The following AR variants were observed in gnomAD, a reference collection of about 807,000 sequenced individuals.
AR encodes dihydrotestosterone receptor.
Under a neutral mutation model 53.9 loss-of-function variants are expected in AR, and 8 were observed. The ratio of observed to expected loss-of-function variants is 0.15; its 90% CI spans 0.09 to 0.27. The LOEUF is 0.27. Ranked by LOEUF, AR falls within the 10% of genes least tolerant of loss-of-function variation. AR has a pLI of 1.00. For synonymous variants in AR, 359 were observed against 316.4 expected (o/e 1.13, Z -1.43); for missense variants, 639 against 742.5 (o/e 0.86, Z 1.62).
chrX:67,681,975 A>C (rs769950332), intron 2 of AR, among the ~76,000 whole-genome samples: 1 of 112,418 alleles, frequency 8.9e-6, no homozygotes, highest in Admixed American at 9.4e-5. Flanking sequence ...GACAAAAACT[A>C]TATGATCATC....
chrX:67,601,255 T>C (rs1286989980), intron 1 of AR, among the ~76,000 whole-genome samples: 4 of 112,102 alleles, frequency 3.6e-5, no homozygotes, highest in African/African-American at 1.3e-4. Flanking sequence ...CATGAGATAT[T>C]GGGTTATGCA....
intron 1 of AR, chrX:67,569,000 C>A: frequency 8.3e-7 from 1 of 1,210,680 alleles, no homozygotes; most frequent in Non-Finnish European, 1.1e-6. Flanking sequence ...GTCACTTTTT[C>A]CCATGATACT....
intron 1 of AR, among the ~76,000 whole-genome samples, chrX:67,618,014 G>A (rs1924199523): frequency 8.9e-6 from 1 of 112,114 alleles, no homozygotes. Flanking sequence ...TTTATCTAAC[G>A]ACAGTTCCAC....
rs2076165638 is a variant in AR at position 67,728,194 on chromosome X, A to G, written c.*4353A>G. 1 of 166,645 alleles carries G rather than the reference A, an allele frequency of 6.0e-6. No homozygotes were observed. The highest frequency in any genetic ancestry group is 1.1e-5 in the Non-Finnish European group (1 of 88,325). 13.7% of individuals were successfully genotyped at this position (166,645 alleles called of 1,213,427 possible). ...CTTTGTGGGTTTTTTTTTCCCTAATAATATACATGTTTAGAAGAATTGAAA... is the reference window on the plus strand; with the variant it reads ...CTTTGTGGGTTTTTTTTTCCCTAATGATATACATGTTTAGAAGAATTGAAA... On this transcript the variant is annotated 3_prime_UTR_variant, in exon 8 of 8. Transcript: ENST00000374690.
intron 1 of AR, among the ~76,000 whole-genome samples, chrX:67,624,395 C>T (rs1252907463): frequency 9.0e-6 from 1 of 111,600 alleles, no homozygotes; most frequent in Admixed American, 9.5e-5. Context: ...TAAGAAACTT[C>T]CCACAAAGAA....
intron 5 of AR, among the ~76,000 whole-genome samples, chrX:67,719,141 C>T (rs1280693761): frequency 1.8e-5 from 2 of 111,670 alleles, no homozygotes; most frequent in Non-Finnish European, 3.8e-5. Context: ...CCCAGCTGCC[C>T]TCTCCCAACC....
chrX:67,562,971 ATC>A (rs1188127143), intron 1 of AR, among the ~76,000 whole-genome samples: 1 of 112,190 alleles, frequency 8.9e-6, no homozygotes, highest in African/African-American at 3.2e-5. Context: ...ATATCTGTCT[ATC>A]TATTGGCTGA....
At chrX:67,678,355 T>C (rs2075912995) in intron 2 of AR, among the ~76,000 whole-genome samples, 1 of 112,166 alleles carries the variant, frequency 8.9e-6, no homozygotes, top group African/African-American at 3.2e-5. Context: ...CTGGTTTGAT[T>C]TTTAAAGATT....
chrX:67,633,136 T>C (rs900169593), intron 1 of AR, among the ~76,000 whole-genome samples: 2 of 112,452 alleles, frequency 1.8e-5, no homozygotes, highest in African/African-American at 6.5e-5. Context: ...ATTTGGTTTT[T>C]CTTCACTTTT....
At chrX:67,718,639 T>A (rs1304529890) in intron 5 of AR, among the ~76,000 whole-genome samples, 1 of 111,031 alleles carries the variant, frequency 9.0e-6, no homozygotes, top group East Asian at 2.9e-4. Context: ...GTGATACATT[T>A]TTTTTCCCCG....
chrX:67,667,815 A>G (rs1927347031), intron 2 of AR, among the ~76,000 whole-genome samples: 1 of 109,828 alleles, frequency 9.1e-6, no homozygotes, highest in Non-Finnish European at 1.9e-5. Context: ...ATTTTATTTT[A>G]TTTTTACCTA....
chrX:67,593,356 T>C (rs1479342622), intron 1 of AR, among the ~76,000 whole-genome samples: 4 of 106,834 alleles, frequency 3.7e-5, no homozygotes, highest in African/African-American at 1.4e-4. Flanking sequence ...TTTTCTTTTT[T>C]TTTTTTTCTT....
chrX:67,567,494 G>A (rs749650032), intron 1 of AR, among the ~76,000 whole-genome samples: 65 of 111,281 alleles, frequency 5.8e-4, no homozygotes, highest in Admixed American at 7.6e-4. Context: ...GTGCAGAGAT[G>A]GAAGTGGGAG....
intron 2 of AR, 140 bp downstream of exon 2, chrX:67,643,547 T>C: frequency 1.1e-6 from 1 of 880,696 alleles, no homozygotes; most frequent in South Asian, 2.4e-5. Flanking sequence ...CTTAGGAGCC[T>C]AAGGAAGCAA....
chrX:67,697,617 AC>A (rs1737915660), intron 3 of AR, among the ~76,000 whole-genome samples: 1 of 111,214 alleles, frequency 9.0e-6, no homozygotes, highest in African/African-American at 3.3e-5. Context: ...AAAAGTCAGA[AC>A]CTGCCCATTA....
intron 2 of AR, among the ~76,000 whole-genome samples, chrX:67,668,954 T>A (rs1023256129): frequency 1.8e-5 from 2 of 111,641 alleles, no homozygotes; most frequent in Admixed American, 1.9e-4. Flanking sequence ...TTTTTCTTAG[T>A]CTAGCTAAAT....
chrX:67,659,141 G>A (rs977698620), intron 2 of AR, among the ~76,000 whole-genome samples: 1 of 111,128 alleles, frequency 9.0e-6, no homozygotes, highest in African/African-American at 3.3e-5. Context: ...AGGGACAGAG[G>A]TGCTGTCTAG....
chrX:67,628,383 T>C (rs990145492), intron 1 of AR, among the ~76,000 whole-genome samples: 7 of 100,222 alleles, frequency 7.0e-5, no homozygotes, highest in Non-Finnish European at 1.5e-4. Context: ...CTAGGTATTT[T>C]ATTCTCTTTG....
chrX:67,548,301 G>A (rs1407769309), intron 1 of AR, among the ~76,000 whole-genome samples: 1 of 111,547 alleles, frequency 9.0e-6, no homozygotes, highest in Non-Finnish European at 1.9e-5. Flanking sequence ...ATTCCATTAG[G>A]TTTTTAATGT....
Sources: gnomAD v4.1 joint callset for allele counts (sites outside exome capture counted in the v4.1 genomes callset) on GRCh38, gnomAD v4.1.1 for gene constraint, MANE v1.5 for transcripts, NCBI Gene and HGNC (gene_info 2026-07-23, HGNC 2026-07-21) for gene names.